Variants in MYCBPAP observed in about 807,000 individuals in gnomAD.
The protein encoded by MYCBPAP is MYCBP-associated protein.
MYCBPAP carries 60 observed loss-of-function variants against 106.1 expected under a neutral mutation model. That is an observed-to-expected ratio of 0.57 (90% confidence interval 0.46 to 0.70). The LOEUF (loss-of-function observed/expected upper bound fraction) is 0.70. MYCBPAP is among the 30% of genes least tolerant of loss of function. MYCBPAP has a pLI of 0.00. For synonymous variants in MYCBPAP, 407 were observed against 440.6 expected (o/e 0.92, Z 0.95); for missense variants, 1,064 against 1,169.3 (o/e 0.91, Z 1.31).
chr17:50,525,605 G>A (rs2034430439), intron 13 of MYCBPAP, among the ~76,000 whole-genome samples: 1 of 150,088 alleles, frequency 6.7e-6, no homozygotes, highest in South Asian at 2.1e-4. Flanking sequence ...TCCCACCTCA[G>A]CCTCCTAAGT....
At chr17:50,523,505 C>A in intron 11 of MYCBPAP, 92 bp from the exon 12 acceptor site, 2 of 1,364,632 alleles carry the variant, frequency 1.5e-6, no homozygotes, top group Non-Finnish European at 2.1e-6. Context: ...GCCACCTGGC[C>A]TGGGACTCAG....
At chr17:50,513,340 TCACA>T (rs2033928099) in intron 1 of MYCBPAP, among the ~76,000 whole-genome samples, 1 of 150,730 alleles carries the variant, frequency 6.6e-6, no homozygotes, top group Non-Finnish European at 1.5e-5. Context: ...TGAGCTGAGA[TCACA>T]CCACTGCACT....
intron 1 of MYCBPAP, among the ~76,000 whole-genome samples, chr17:50,510,692 A>ATTTTTTTT (rs56894700): frequency 9.0e-6 from 1 of 111,166 alleles, no homozygotes; most frequent in African/African-American, 3.8e-5. Flanking sequence ...TGCCTGGCAA[A>ATTTTTTTT]TTTTTTTTTT....
Position 50,529,086 on chromosome 17 carries a change from C to A in MYCBPAP, c.2622C>A (p.Asp874Glu), listed in dbSNP as rs527652023. 186 of 1,614,124 alleles carry A rather than the reference C, an allele frequency of 1.2e-4. 1 individual carries two copies. In the South Asian group the frequency reaches 1.4e-3, roughly 12 times the overall value. The change falls in exon 18 of 19, where the codon GAC becomes GAA. Residue 874 changes from aspartate (D) to glutamate (E), a missense_variant. Physicochemically the swap from Asp to Glu is conservative, Grantham distance 45. Coordinates refer to ENST00000323776, the MANE Select transcript of MYCBPAP (RefSeq NM_032133.6). ...DKKVIKSASQ[D>E]RFSLEDPTPD... is the part of the protein sequence containing the mutation. ...AAGTCATAAAATCTGCAAGTCAGGA[C>A]AGGTTTTCTTTGGAAGACCCTACCC...
intron 7 of MYCBPAP, among the ~76,000 whole-genome samples, chr17:50,520,797 G>C (rs545641880): frequency 5.9e-5 from 9 of 152,296 alleles, no homozygotes; most frequent in Admixed American, 5.9e-4. Context: ...TTGTGATAGG[G>C]CTAAATGAGA....
At chr17:50,510,822 G>A (rs1348289908) in intron 1 of MYCBPAP, among the ~76,000 whole-genome samples, 1 of 150,172 alleles carries the variant, frequency 6.7e-6, no homozygotes, top group Admixed American at 6.7e-5. Context: ...TGCCTGGCCC[G>A]TGACATACTT....
chr17:50,509,061 G>T lies in MYCBPAP; in HGVS notation c.76+311G>T, dbSNP rs2033725688. On this transcript the variant is annotated intron_variant, in intron 1 of 18. Coordinates refer to ENST00000323776, the MANE Select transcript of MYCBPAP (RefSeq NM_032133.6). ...TCTTAGGGTGGCATGCAGGAGGCAG[G>T]ATCCCCGGACTGGATGAAGTGCAGA... The T allele has an allele frequency of 1.3e-5, 9 of 703,050 alleles. No homozygotes were observed. The East Asian group carries it at 2.1e-4, about 17-fold the overall frequency. The allele number at this position is 703,050 out of a possible 1,614,324, so 43.6% of individuals were successfully genotyped here. A position where few individuals can be genotyped will look rare whatever the true frequency, so the allele number is the denominator to read the frequency against.
In MYCBPAP at chr17:50,508,617, G is replaced by C. The variant is rs1298395374; in HGVS notation, c.-58G>C. On this transcript the variant is annotated 5_prime_UTR_variant, in exon 1 of 19. Coordinates refer to ENST00000323776, the MANE Select transcript of MYCBPAP (RefSeq NM_032133.6). ...GCCGTTGGCTGGCGGGTGCGGCGCA[G>C]CCTCGGTGTCTCTGGGCCGGCGGTG... 6.4e-7 allele frequency: 1 copy of C among 1,560,748 alleles called. No individual in the cohort carries two copies. Among genetic ancestry groups the C allele is most frequent in the Non-Finnish European group, 8.7e-7 (1 of 1,151,644 alleles).
rs2034536877 is a variant in MYCBPAP at position 50,528,713 on chromosome 17, T to C, written c.2426T>C (p.Ile809Thr). 6.2e-7 allele frequency: 1 copy of C among 1,613,578 alleles called. No individual in the cohort carries two copies. Among genetic ancestry groups the C allele is most frequent in the Admixed American group, 1.7e-5 (1 of 59,932 alleles). The stretch of plus-strand genomic sequence containing the variant: ...CCCTTAGATCAAAAATCACCTCCTA[T>C]CATGGAAGTGAAGGTACCTGTGGGG... ...PEEQDQKSPPIMEVKVPVGKA... is the reference protein window; with the variant it reads ...PEEQDQKSPPTMEVKVPVGKA... The change falls in exon 17 of 19, where the codon ATC becomes ACC. Residue 809 changes from isoleucine to threonine, a missense_variant. Transcript: ENST00000323776.
At chr17:50,525,166 A>T in intron 13 of MYCBPAP, 143 bp downstream of exon 13, 1 of 982,682 alleles carries the variant, frequency 1.0e-6, no homozygotes. Flanking sequence ...CAGCGGTGGC[A>T]TTAGATTCTC....
chr17:50,521,054 G>A (rs1248428465), intron 7 of MYCBPAP, 56 bp from the exon 8 acceptor site: 27 of 1,413,188 alleles, frequency 1.9e-5, no homozygotes, highest in Non-Finnish European at 2.7e-5. Flanking sequence ...TGAGAAGTGG[G>A]TGAGCAAGGG....
At position 50,518,960 on chromosome 17, in the gene MYCBPAP, G is replaced by A; in HGVS notation, c.653-14G>A. On this transcript the variant is annotated splice_polypyrimidine_tract_variant and intron_variant, in intron 5 of 18. Coordinates refer to ENST00000323776, the MANE Select transcript of MYCBPAP (RefSeq NM_032133.6). ...GGTTCGGCAGAGTGGCGGCAATCTT[G>A]CCTCTCTCTCTAGAACACCTAAAGA... 6.2e-7 allele frequency: 1 copy of A among 1,607,444 alleles called. No homozygotes were observed. The highest frequency in any genetic ancestry group is 8.5e-7 in the Non-Finnish European group (1 of 1,175,302).
rs535413241 is a variant in MYCBPAP at position 50,519,976 on chromosome 17, C to T, written c.916+189C>T. ...TCCCTCTTCTTTTTCTTCAGTAAAACGGTGAGAGAGCTAGGAAACTGGAGT... is the reference window on the plus strand; with the variant it reads ...TCCCTCTTCTTTTTCTTCAGTAAAATGGTGAGAGAGCTAGGAAACTGGAGT... On this transcript the variant is annotated intron_variant, in intron 7 of 18. Coordinates refer to ENST00000323776, the MANE Select transcript of MYCBPAP (RefSeq NM_032133.6). 169 of 602,398 alleles carry T rather than the reference C, an allele frequency of 2.8e-4. 2 individuals carry two copies. Among genetic ancestry groups the T allele is most frequent in the South Asian group, 2.0e-3 (93 of 45,466 alleles). The allele number at this position is 602,398 out of a possible 1,614,324, so 37.3% of individuals were successfully genotyped here.
rs1293899341 is a variant in MYCBPAP at position 50,528,783 on chromosome 17, G to A, written c.2496G>A (p.Lys832=). 1 of 1,614,072 alleles carries A rather than the reference G, an allele frequency of 6.2e-7. No individual in the cohort carries two copies. The highest frequency in any genetic ancestry group is 1.1e-5 in the South Asian group (1 of 91,080). Residue 832 remains lysine, a synonymous_variant, in exon 17 of 19, where the codon AAG becomes AAA. Transcript: ENST00000323776. ...EERKGAAQEK[K]QLGIKDKEDK... The stretch of plus-strand genomic sequence containing the variant: ...GGAAAGGAGCAGCCCAGGAAAAGAA[G>A]CAACTGGGGATCAAAGACAAAGAAG...
chr17:50,510,289 G>A (rs1359717255), intron 1 of MYCBPAP: 1 of 151,762 alleles, frequency 6.6e-6, no homozygotes, highest in Non-Finnish European at 1.5e-5. Context: ...TGCTCAGGAG[G>A]CTGTGGCAGG....
chr17:50,523,112 C>CT lies in MYCBPAP; in HGVS notation c.1434dup (p.Asp479Ter). 1 of 1,613,720 alleles carries CT rather than the reference C, an allele frequency of 6.2e-7. No homozygotes were observed. Among genetic ancestry groups the CT allele is most frequent in the Non-Finnish European group, 8.5e-7 (1 of 1,179,702 alleles). ...AGAAAAACAGGATGCAGCGATTTTA[C>CT]TTTGACAACCGGGAAGGTACTCGGG... is the stretch of plus-strand genomic sequence containing the variant. On this transcript the variant is annotated frameshift_variant, in exon 11 of 19. Coordinates refer to ENST00000323776, the MANE Select transcript of MYCBPAP (RefSeq NM_032133.6). LOFTEE classifies it high-confidence loss of function.
Position 50,508,636 on chromosome 17 carries a change from G to A in MYCBPAP, c.-39G>A. 1.3e-6 allele frequency: 2 copies of A among 1,579,718 alleles called. No individual in the cohort carries two copies. Among genetic ancestry groups the A allele is most frequent in the East Asian group, 2.3e-5 (1 of 42,790 alleles). ...GGCGCAGCCTCGGTGTCTCTGGGCCGGCGGTGCAGGGCAACGTTTCATGGT... is the reference window on the plus strand; with the variant it reads ...GGCGCAGCCTCGGTGTCTCTGGGCCAGCGGTGCAGGGCAACGTTTCATGGT... On this transcript the variant is annotated 5_prime_UTR_variant, in exon 1 of 19. Coordinates refer to ENST00000323776, the MANE Select transcript of MYCBPAP (RefSeq NM_032133.6).
rs2034193076 is a variant in MYCBPAP, at chr17:50,519,807, G to A, written c.916+20G>A. On this transcript the variant is annotated intron_variant, in intron 7 of 18. Coordinates refer to ENST00000323776, the MANE Select transcript of MYCBPAP (RefSeq NM_032133.6). ...AGACAGGTGAGGCGCAGGGCTGTAA[G>A]CCAGCTAGCATCTTGTGCCTGGCCC... 2 of 1,609,550 alleles carry A rather than the reference G, an allele frequency of 1.2e-6. No homozygotes were observed. Among genetic ancestry groups the A allele is most frequent in the Admixed American group, 1.7e-5 (1 of 59,388 alleles).
At chr17:50,531,224 A>G (rs2034631503) in intron 18 of MYCBPAP, 103 bp from the exon 19 acceptor site, 1 of 689,004 alleles carries the variant, frequency 1.5e-6, no homozygotes, top group Admixed American at 3.9e-5. Context: ...TTCACAAACA[A>G]CTGGTTTCTT....
Sources: allele counts gnomAD v4.1 joint callset (sites outside exome capture counted in the v4.1 genomes callset), GRCh38; gene constraint gnomAD v4.1.1; transcripts MANE v1.5; gene names NCBI Gene and HGNC (gene_info 2026-07-23, HGNC 2026-07-21).